ATP10A: variants seen among roughly 807,000 people sequenced by gnomAD.
ATP10A encodes ATPase phospholipid transporting 10A (putative).
A neutral mutation model predicts 147.8 loss-of-function variants in ATP10A; 111 were observed. The observed-to-expected ratio is 0.75, with a 90% confidence interval of 0.64 to 0.88. ATP10A has a LOEUF of 0.88. Among genes scored for constraint, ATP10A ranks in the 40% least tolerant of loss-of-function variants. ATP10A has a pLI of 0.00. For synonymous variants in ATP10A, 875 were observed against 841.6 expected (o/e 1.04, Z -0.69); for missense variants, 1,927 against 1,959.0 (o/e 0.98, Z 0.31).
intron 10 of ATP10A, among the ~76,000 whole-genome samples, chr15:25,711,144 G>C (rs1200377650): frequency 6.6e-6 from 1 of 152,144 alleles, no homozygotes; most frequent in Non-Finnish European, 1.5e-5. Flanking sequence ...ACACCTGCCA[G>C]GGCAGGTGAG....
At chr15:25,683,574 G>T in intron 16 of ATP10A, 88 bp from the exon 17 acceptor site, 2 of 1,264,526 alleles carry the variant, frequency 1.6e-6, no homozygotes, top group African/African-American at 1.5e-5. Flanking sequence ...GGCCTGCAGA[G>T]TTTCACAGTC....
At chr15:25,821,525 G>C (rs1225767078) in intron 1 of ATP10A, among the ~76,000 whole-genome samples, 1 of 152,184 alleles carries the variant, frequency 6.6e-6, no homozygotes, top group African/African-American at 2.4e-5. Flanking sequence ...AAATTTAAGG[G>C]GGTGGCCCAG....
intron 2 of ATP10A, among the ~76,000 whole-genome samples, chr15:25,749,389 G>T (rs780068581): frequency 2.0e-5 from 3 of 152,192 alleles, no homozygotes; most frequent in Non-Finnish European, 2.9e-5. Flanking sequence ...TGGGGTCAGT[G>T]CCTGCTTCCA....
intron 16 of ATP10A, among the ~76,000 whole-genome samples, chr15:25,686,691 G>A (rs1899721523): frequency 9.3e-6 from 1 of 107,374 alleles, no homozygotes; most frequent in South Asian, 3.0e-4. Context: ...TACCCTAAGA[G>A]TTTATTTTGT....
In ATP10A at chr15:25,679,802, A is replaced by G. The variant is rs1899285375; in HGVS notation, c.4039T>C (p.Ser1347Pro). 6.2e-7 allele frequency: 1 copy of G among 1,612,510 alleles called. No individual in the cohort carries two copies. Among genetic ancestry groups the G allele is most frequent in the East Asian group, 2.2e-5 (1 of 44,860 alleles). ...EHSSGRTVKT[S>P]VPLSQPSWHT... ...CAAGAAGGCTGGGACAGGGGCACAGAGGTCTTGACTGTCCTCCCTGATGAG... is the reference window on the plus strand; with the variant it reads ...CAAGAAGGCTGGGACAGGGGCACAGGGGTCTTGACTGTCCTCCCTGATGAG... The change falls in exon 21 of 21, where the codon TCT becomes CCT. Residue 1347 changes from serine (S) to proline (P), a missense_variant. By Grantham distance (74) the Ser-to-Pro change is moderately conservative (BLOSUM62 -1). Transcript: ENST00000555815.
At chr15:25,736,780 G>A (rs935284866) in intron 2 of ATP10A, among the ~76,000 whole-genome samples, 1 of 152,188 alleles carries the variant, frequency 6.6e-6, no homozygotes, top group African/African-American at 2.4e-5. Flanking sequence ...GAGAAATGGA[G>A]GGAATAAGCC....
At chr15:25,704,160 C>T (rs1368908269) in intron 12 of ATP10A, among the ~76,000 whole-genome samples, 1 of 152,210 alleles carries the variant, frequency 6.6e-6, no homozygotes, top group Non-Finnish European at 1.5e-5. Flanking sequence ...GTCACTTGTA[C>T]TATGACAGGT....
At chr15:25,775,533 G>A (rs1387355648) in intron 2 of ATP10A, among the ~76,000 whole-genome samples, 1 of 152,196 alleles carries the variant, frequency 6.6e-6, no homozygotes, top group East Asian at 1.9e-4. Context: ...AGCCTAGGAA[G>A]TTTCCATACT....
At chr15:25,771,469 C>T (rs560381447) in intron 2 of ATP10A, among the ~76,000 whole-genome samples, 1 of 152,276 alleles carries the variant, frequency 6.6e-6, no homozygotes, top group Non-Finnish European at 1.5e-5. Context: ...AAACTAAAGT[C>T]TGTTGGATTC....
intron 1 of ATP10A, among the ~76,000 whole-genome samples, chr15:25,794,861 CCAGT>C (rs1418677079): frequency 7.2e-5 from 11 of 152,134 alleles, no homozygotes; most frequent in Non-Finnish European, 1.2e-4. Context: ...GTCATTGTCA[CCAGT>C]CAGTCTTGGC....
At chr15:25,687,276 G>A (rs1899742314) in intron 16 of ATP10A, among the ~76,000 whole-genome samples, 2 of 152,046 alleles carry the variant, frequency 1.3e-5, no homozygotes, top group Admixed American at 6.6e-5. Flanking sequence ...TCCTGTTTGG[G>A]GATATTTCAG....
At chr15:25,824,696 C>A (rs991426608) in intron 1 of ATP10A, among the ~76,000 whole-genome samples, 1 of 151,308 alleles carries the variant, frequency 6.6e-6, no homozygotes, top group African/African-American at 2.4e-5. Context: ...GGCAAAATAC[C>A]GTCAAAATCA....
chr15:25,691,827 C>T lies in ATP10A; in HGVS notation c.3089-36G>A, dbSNP rs200909094. On this transcript the variant is annotated intron_variant, in intron 14 of 20. Transcript: ENST00000555815. ...CACAGGCAAGAAGAATTGTTTGATTCTAGAAACAGCACAGAATCAAATCAA... is the reference window on the plus strand; with the variant it reads ...CACAGGCAAGAAGAATTGTTTGATTTTAGAAACAGCACAGAATCAAATCAA... The T allele has an allele frequency of 1.4e-5, 22 of 1,611,684 alleles. No individual in the cohort carries two copies. The East Asian group carries it at 4.2e-4, about 31-fold the overall frequency.
intron 1 of ATP10A, among the ~76,000 whole-genome samples, chr15:25,801,993 C>T (rs528760667): frequency 2.0e-4 from 30 of 152,298 alleles, no homozygotes; most frequent in African/African-American, 7.2e-4. Context: ...GCGGAGAACA[C>T]GAGATCTGCA....
intron 8 of ATP10A, among the ~76,000 whole-genome samples, chr15:25,717,605 G>A (rs972845808): frequency 2.0e-5 from 3 of 152,172 alleles, no homozygotes. Flanking sequence ...TATTTAGATG[G>A]CAGCTTCTCT....
intron 1 of ATP10A, among the ~76,000 whole-genome samples, chr15:25,859,168 C>T (rs972084052): frequency 2.0e-5 from 3 of 152,202 alleles, no homozygotes; most frequent in Non-Finnish European, 2.9e-5. Flanking sequence ...AGTCCCTTTG[C>T]CCTTCTCTTC....
intron 1 of ATP10A, 150 bp from the exon 2 acceptor site, chr15:25,781,373 T>C: frequency 2.7e-6 from 2 of 732,036 alleles, no homozygotes; most frequent in East Asian, 2.7e-5. Context: ...AAAAGAATAT[T>C]TGGCCGGGTG....
At chr15:25,704,575 G>A (rs535497159) in intron 12 of ATP10A, among the ~76,000 whole-genome samples, 1 of 152,308 alleles carries the variant, frequency 6.6e-6, no homozygotes, top group East Asian at 1.9e-4. Context: ...GAGCTATTTG[G>A]TCAAACTCAT....
rs189819665 is a variant in ATP10A at position 25,682,151 on chromosome 15, G to A, written c.3493-1077C>T. Among the ~76,000 whole-genome samples the A allele has an allele frequency of 9.9e-5, 15 of 151,424 alleles. 1 individual carries two copies. The highest frequency in any genetic ancestry group is 7.9e-4 in the Admixed American group (12 of 15,216). On this transcript the variant is annotated intron_variant, in intron 17 of 20. Transcript: ENST00000555815. Reference sequence around the variant, plus strand: ...AAGTAGGAATAGCACCTGAAATTCCGGGCATTCTCCCCCAGTTTGAGCCCT... The same window carrying A: ...AAGTAGGAATAGCACCTGAAATTCCAGGCATTCTCCCCCAGTTTGAGCCCT...
Sources: allele counts gnomAD v4.1 joint callset (sites outside exome capture counted in the v4.1 genomes callset), GRCh38; gene constraint gnomAD v4.1.1; transcripts MANE v1.5; gene names NCBI Gene and HGNC (gene_info 2026-07-23, HGNC 2026-07-21).